GPLD1: variants seen among roughly 807,000 people sequenced by gnomAD.
The protein encoded by GPLD1 is glycosylphosphatidylinositol specific phospholipase D1, also known as phosphatidylinositol-glycan-specific phospholipase D.
In GPLD1, 84 loss-of-function variants were observed where a neutral mutation model predicts 112.6. The ratio of observed to expected loss-of-function variants is 0.75; its 90% CI spans 0.63 to 0.89. The LOEUF (loss-of-function observed/expected upper bound fraction) is 0.89, where lower values mean the gene tolerates loss of function less well. GPLD1 is among the 40% of genes least tolerant of loss of function. GPLD1 has a pLI of 0.00. For missense variants in GPLD1, 1,044 were observed against 1,051.5 expected, an observed-to-expected ratio of 0.99 and a Z score of 0.10; for synonymous variants, 386 against 403.8, an observed-to-expected ratio of 0.96 and a Z score of 0.53.
chr6:24,429,705 A>AT (rs1369190771), intron 24 of GPLD1, among the ~76,000 whole-genome samples: 1 of 152,120 alleles, frequency 6.6e-6, no homozygotes, highest in African/African-American at 2.4e-5. Flanking sequence ...GTGCCACCAC[A>AT]TCTGGCTAAT....
At chr6:24,451,940 G>C (rs1000088723) in intron 14 of GPLD1, among the ~76,000 whole-genome samples, 1 of 152,206 alleles carries the variant, frequency 6.6e-6, no homozygotes, top group Non-Finnish European at 1.5e-5. Flanking sequence ...GCCCTCCTAC[G>C]GGCCAGCCAG....
downstream of GPLD1, chr6:24,424,650 C>T (rs1050244253): frequency 1.3e-5 from 2 of 152,112 alleles, no homozygotes; most frequent in African/African-American, 4.8e-5. Flanking sequence ...TCCTACCTAC[C>T]TTTTAAAATA....
intron 14 of GPLD1, among the ~76,000 whole-genome samples, chr6:24,452,074 C>A (rs537011607): frequency 2.7e-3 from 412 of 152,322 alleles, no homozygotes; most frequent in African/African-American, 9.4e-3. Context: ...GGCAGGATTT[C>A]CATCCTTCGT....
chr6:24,455,668 A>G (rs1350261461), intron 13 of GPLD1, among the ~76,000 whole-genome samples: 3 of 152,232 alleles, frequency 2.0e-5, no homozygotes, highest in Non-Finnish European at 2.9e-5. Flanking sequence ...TTAAATCACT[A>G]TAACAGCTAT....
rs375629493 is a variant in GPLD1 at position 24,454,111 on chromosome 6, G to A, written c.1239C>T (p.Ile413=). 37 of 1,613,844 alleles carry A rather than the reference G, an allele frequency of 2.3e-5. No homozygotes were observed. The highest frequency in any genetic ancestry group is 1.4e-5 in the Non-Finnish European group (17 of 1,179,862). ...PGYSRPGHIH[I]GRVYLIYGND... ...TGCCGTAGATGAGGTACACGCGCCC[G>A]ATGTGGATGTGGCCGGGGCGGCTGT... is the stretch of plus-strand genomic sequence containing the variant. Residue 413 remains isoleucine (I), a synonymous_variant, in exon 14 of 25, where the codon ATC becomes ATT. Coordinates refer to ENST00000230036, the MANE Select transcript of GPLD1 (RefSeq NM_001503.4).
At chr6:24,425,668 C>T (rs916847588), downstream of GPLD1, 3 of 152,168 alleles carry the variant, frequency 2.0e-5, no homozygotes, top group Non-Finnish European at 4.4e-5. Flanking sequence ...GTACCAAACA[C>T]TGGGTTATGT....
At chr6:24,465,196 C>CAAAAAAAAAAAAAAAA (rs34368143) in intron 10 of GPLD1, among the ~76,000 whole-genome samples, 1 of 101,314 alleles carries the variant, frequency 9.9e-6, no homozygotes, top group African/African-American at 3.5e-5. Context: ...GACTCTGTCT[C>CAAAAAAAAAAAAAAAA]AAAAAAAAAA....
At chr6:24,465,684 G>T (rs1368777872) in intron 10 of GPLD1, among the ~76,000 whole-genome samples, 1 of 152,108 alleles carries the variant, frequency 6.6e-6, no homozygotes, top group Non-Finnish European at 1.5e-5. Context: ...CTAGAAGTGG[G>T]GACAATCACA....
chr6:24,455,501 T>C (rs998980663), intron 13 of GPLD1, among the ~76,000 whole-genome samples: 3 of 152,218 alleles, frequency 2.0e-5, no homozygotes, highest in Non-Finnish European at 4.4e-5. Context: ...TTTTATATAC[T>C]TGGGGTTAGT....
At chr6:24,488,133 C>T (rs1581793434) in intron 1 of GPLD1, among the ~76,000 whole-genome samples, 1 of 152,052 alleles carries the variant, frequency 6.6e-6, no homozygotes, top group African/African-American at 2.4e-5. Flanking sequence ...TCAGGCCAGG[C>T]GCGATGGCTC....
intron 24 of GPLD1, among the ~76,000 whole-genome samples, chr6:24,431,319 T>C (rs952315111): frequency 2.0e-5 from 3 of 152,198 alleles, no homozygotes; most frequent in South Asian, 4.1e-4. Context: ...TATAAATCTA[T>C]GAAGGCTTCT....
intron 7 of GPLD1, among the ~76,000 whole-genome samples, chr6:24,470,713 C>G (rs562452330): frequency 2.6e-5 from 4 of 152,270 alleles, no homozygotes; most frequent in Admixed American, 2.6e-4. Context: ...ATTCTCCTGC[C>G]TCAGCCTCCC....
intron 11 of GPLD1, among the ~76,000 whole-genome samples, chr6:24,462,516 G>A (rs1392186831): frequency 1.3e-5 from 2 of 152,122 alleles, no homozygotes; most frequent in Non-Finnish European, 2.9e-5. Context: ...CCATAATTCT[G>A]GGAGTGTTGA....
chr6:24,429,984 G>C (rs920426923), intron 24 of GPLD1, among the ~76,000 whole-genome samples: 49 of 152,210 alleles, frequency 3.2e-4, no homozygotes, highest in African/African-American at 1.1e-3. Context: ...ATTTTGGTCA[G>C]AGCAGGATAT....
upstream of GPLD1, among the ~76,000 whole-genome samples, chr6:24,494,377 C>T (rs143252623): frequency 0.015 from 2,275 of 152,246 alleles, 32 homozygotes; most frequent in South Asian, 0.036. Context: ...TGTTATTTAT[C>T]GGGAGCAACC....
At position 24,462,718 on chromosome 6, in the gene GPLD1, G is replaced by T; in HGVS notation, c.887+12C>A. The T allele has an allele frequency of 6.3e-7, 1 of 1,590,516 alleles. No individual in the cohort carries two copies. The highest frequency in any genetic ancestry group is 8.6e-7 in the Non-Finnish European group (1 of 1,158,544). ...TGTACTTTTTCTATGAACAATTTTG[G>T]AATCCACTTACCCCTGGGTGTGGTT... On this transcript the variant is annotated intron_variant, in intron 11 of 24. Coordinates refer to ENST00000230036, the MANE Select transcript of GPLD1 (RefSeq NM_001503.4).
chr6:24,460,823 T>G (rs961170391), intron 11 of GPLD1, among the ~76,000 whole-genome samples: 4 of 151,462 alleles, frequency 2.6e-5, no homozygotes, highest in Non-Finnish European at 5.9e-5. Context: ...CATTGCAACC[T>G]TCGCCTCCTG....
intron 1 of GPLD1, chr6:24,494,779 G>GC: frequency 2.3e-6 from 1 of 441,984 alleles, no homozygotes; most frequent in East Asian, 3.9e-5. Flanking sequence ...GAGAAGCCGC[G>GC]CGGCGCTTAG....
At chr6:24,439,034 A>T (rs1255375981) in intron 20 of GPLD1, among the ~76,000 whole-genome samples, 1 of 152,148 alleles carries the variant, frequency 6.6e-6, no homozygotes, top group East Asian at 1.9e-4. Flanking sequence ...TGCCTGCCTC[A>T]GTCTCCCAAA....
Sources: allele counts gnomAD v4.1 joint callset (sites outside exome capture counted in the v4.1 genomes callset), GRCh38; gene constraint gnomAD v4.1.1; transcripts MANE v1.5; gene names NCBI Gene and HGNC (gene_info 2026-07-23, HGNC 2026-07-21).